Variants in UTP4 observed in about 807,000 individuals in gnomAD.
UTP4 encodes the protein UTP4 small subunit processome component.
A neutral mutation model predicts 82.4 loss-of-function variants in UTP4; 45 were observed. The observed-to-expected ratio is 0.55, with a 90% CI of 0.43 to 0.70. The LOEUF (loss-of-function observed/expected upper bound fraction) is 0.70. Among genes scored for constraint, UTP4 ranks in the 30% least tolerant of loss-of-function variants. The pLI is 0.00. For synonymous variants in UTP4, 348 were observed against 300.3 expected, an observed-to-expected ratio of 1.16 and a Z score of -1.64; for missense variants, 819 against 858.3, an observed-to-expected ratio of 0.95 and a Z score of 0.57.
At chr16:69,164,890 G>A (rs1963661327) in intron 14 of UTP4, among the ~76,000 whole-genome samples, 2 of 152,138 alleles carry the variant, frequency 1.3e-5, no homozygotes, top group Admixed American at 6.6e-5. Context: ...TGTATTATGT[G>A]CATAAAATAG....
intron 14 of UTP4, among the ~76,000 whole-genome samples, chr16:69,164,778 A>G (rs1963658570): frequency 6.6e-6 from 1 of 152,014 alleles, no homozygotes. Context: ...TGAGTGGACT[A>G]TTCTGTGTTT....
At chr16:69,149,094 T>TA in intron 6 of UTP4, among the ~76,000 whole-genome samples, 2 of 151,312 alleles carry the variant, frequency 1.3e-5, no homozygotes, top group South Asian at 4.2e-4. Flanking sequence ...GAAAAATAAA[T>TA]ACAAGCCTGG....
chr16:69,139,084 T>A (rs1423933062), intron 4 of UTP4: 3 of 147,962 alleles, frequency 2.0e-5, no homozygotes, highest in Middle Eastern at 6.8e-3. Flanking sequence ...TTCTCCTGCC[T>A]CAGCCTCCCT....
rs1456913753 is a variant in UTP4, at chr16:69,164,263, C to G, written c.1648-1078C>G. ...TCTCTCAGTTTTATAGATTTGAGTC[C>G]TTGACCAAAGACTGAAAGAGTAGTG... On this transcript the variant is annotated intron_variant, in intron 14 of 16. Transcript: ENST00000314423. Among the ~76,000 whole-genome samples, 4 of 152,208 alleles carry G rather than the reference C, an allele frequency of 2.6e-5. No homozygotes were observed. The South Asian group carries it at 8.3e-4, about 32-fold the overall frequency.
rs1469242666 is a variant in UTP4, at chr16:69,160,248, A to G, written c.1445-108A>G. The G allele has an allele frequency of 9.6e-6, 8 of 835,028 alleles. No homozygotes were observed. The East Asian group carries it at 1.9e-4, about 20-fold the overall frequency. 51.7% of individuals were successfully genotyped at this position (835,028 alleles called of 1,614,324 possible). ...ACAGTGATCAGCAAATTATCCTGGC[A>G]GTGATTTAAAACTCTAATGGTCTCC... On this transcript the variant is annotated intron_variant, in intron 12 of 16. Coordinates refer to ENST00000314423, the MANE Select transcript of UTP4 (RefSeq NM_032830.3).
intron 6 of UTP4, among the ~76,000 whole-genome samples, chr16:69,149,071 C>A (rs1963193756): frequency 6.6e-6 from 1 of 151,744 alleles, no homozygotes; most frequent in African/African-American, 2.4e-5. Context: ...CGTGGTAAAA[C>A]CCTGTCTATA....
chr16:69,146,329 T>G (rs977429861), intron 6 of UTP4, among the ~76,000 whole-genome samples: 2 of 152,202 alleles, frequency 1.3e-5, no homozygotes, highest in Non-Finnish European at 2.9e-5. Context: ...TCCTCCCTTC[T>G]CTCAGCCTCT....
intron 15 of UTP4, chr16:69,165,919 C>G (rs1963690914): frequency 2.8e-6 from 1 of 355,318 alleles, no homozygotes; most frequent in African/African-American, 2.1e-5. Flanking sequence ...ATCTGAATAA[C>G]CTGGTTTCAT....
intron 14 of UTP4, among the ~76,000 whole-genome samples, chr16:69,164,109 C>G (rs1051328506): frequency 6.6e-6 from 1 of 151,976 alleles, no homozygotes; most frequent in Non-Finnish European, 1.5e-5. Flanking sequence ...TGGTCTCGAT[C>G]TCCTGACCTT....
chr16:69,152,112 T>C (rs538147457), intron 8 of UTP4, among the ~76,000 whole-genome samples: 344 of 151,658 alleles, frequency 2.3e-3, no homozygotes, highest in Non-Finnish European at 4.1e-3. Flanking sequence ...TTGAACATAG[T>C]CCTCATAATC....
At chr16:69,165,905 G>A in intron 15 of UTP4, 1 of 371,394 alleles carries the variant, frequency 2.7e-6, no homozygotes, top group South Asian at 2.3e-5. Flanking sequence ...TTGAACTCTG[G>A]GGTATCTGAA....
intron 6 of UTP4, among the ~76,000 whole-genome samples, chr16:69,147,018 AAATAC>A (rs1324628501): frequency 6.1e-5 from 9 of 147,850 alleles, no homozygotes; most frequent in Non-Finnish European, 9.0e-5. Flanking sequence ...AAAAAAAAAA[AAATAC>A]AAAAATTAGC....
At chr16:69,163,886 T>TTG (rs1448865052) in intron 14 of UTP4, among the ~76,000 whole-genome samples, 6 of 137,226 alleles carry the variant, frequency 4.4e-5, no homozygotes, top group Non-Finnish European at 9.8e-5. Flanking sequence ...GTCAGTTTGT[T>TTG]TTTTTTTTTT....
intron 15 of UTP4, 181 bp from the exon 16 acceptor site, chr16:69,166,894 A>G: frequency 6.7e-6 from 4 of 595,844 alleles, no homozygotes; most frequent in South Asian, 4.1e-5. Flanking sequence ...TTTCCCCCCT[A>G]GTTTTTCTGA....
rs937814422 is a variant in UTP4, at chr16:69,143,307, A to G, written c.656A>G (p.Gln219Arg). The G allele has an allele frequency of 6.2e-7, 1 of 1,614,182 alleles. No individual in the cohort carries two copies. The highest frequency in any genetic ancestry group is 8.5e-7 in the Non-Finnish European group (1 of 1,180,022). Residue 219 changes from glutamine to arginine, a missense_variant, in exon 6 of 17, where the codon CAG becomes CGG. Gln to Arg is a conservative substitution (Grantham distance 43). Coordinates refer to ENST00000314423, the MANE Select transcript of UTP4 (RefSeq NM_032830.3). ...AGTGTGGACTCTGCTGGGAAGGTGC[A>G]GTTCTGGGACTCAGCCACTGGGACG... ...IISVDSAGKV[Q>R]FWDSATGTLV...
chr16:69,160,593 CTTTTCTT>C, intron 13 of UTP4, 131 bp downstream of exon 13: 1 of 664,382 alleles, frequency 1.5e-6, no homozygotes, highest in Admixed American at 2.7e-5. Context: ...ATTTTCTTTT[CTTTTCTT>C]TTTTTTTTTT....
At chr16:69,163,884 G>GTTT (rs1216606701) in intron 14 of UTP4, among the ~76,000 whole-genome samples, 32 of 126,238 alleles carry the variant, frequency 2.5e-4, no homozygotes, top group Non-Finnish European at 3.5e-4. Flanking sequence ...TGGTCAGTTT[G>GTTT]TTTTTTTTTT....
At chr16:69,145,395 G>C (rs1567603929) in intron 6 of UTP4, among the ~76,000 whole-genome samples, 1 of 151,862 alleles carries the variant, frequency 6.6e-6, no homozygotes, top group Admixed American at 6.6e-5. Context: ...CAAGTAGCTA[G>C]GATTACAGGT....
chr16:69,134,039 G>T (rs939728679), intron 2 of UTP4, among the ~76,000 whole-genome samples: 1 of 152,140 alleles, frequency 6.6e-6, no homozygotes, highest in Non-Finnish European at 1.5e-5. Context: ...GTGGGAAGAT[G>T]GATTCCAAAG....
Sources: allele counts gnomAD v4.1 joint callset (sites outside exome capture counted in the v4.1 genomes callset), GRCh38; gene constraint gnomAD v4.1.1; transcripts MANE v1.5; gene names NCBI Gene and HGNC (gene_info 2026-07-23, HGNC 2026-07-21).